PIK3C2A: variants seen among roughly 807,000 people sequenced by gnomAD.
PIK3C2A encodes phosphatidylinositol 4-phosphate 3-kinase C2 domain-containing subunit alpha.
A neutral mutation model predicts 204.5 loss-of-function variants in PIK3C2A; 97 were observed. The ratio of observed to expected loss-of-function variants is 0.47; its 90% confidence interval spans 0.40 to 0.56. The LOEUF (loss-of-function observed/expected upper bound fraction) is 0.56, where lower values mean the gene tolerates loss of function less well. Ranked by LOEUF, PIK3C2A falls within the 20% of genes least tolerant of loss-of-function variation. The probability of loss-of-function intolerance (pLI) is 0.00; values close to 1 mark genes in which losing one functional copy is unlikely to be tolerated. For missense variants in PIK3C2A, 1,735 were observed against 1,969.2 expected (o/e 0.88, Z 2.25); for synonymous variants, 653 against 664.4 (o/e 0.98, Z 0.26).
In PIK3C2A at chr11:17,091,628, G is replaced by T; in HGVS notation, c.4671C>A (p.Gly1557=). ...ADAGSFSPTP[G]QIGGAVKLSI... Reference sequence around the variant, plus strand: ...ATAATTTCACAGCTCCTCCTATTTGGCCTGGAGTAGGACTGAAGGAACCTG... The same window carrying T: ...ATAATTTCACAGCTCCTCCTATTTGTCCTGGAGTAGGACTGAAGGAACCTG... Residue 1557 remains glycine (G), a synonymous_variant, in exon 31 of 33, where the codon GGC becomes GGA. Transcript: ENST00000691414. 6.2e-7 allele frequency: 1 copy of T among 1,610,868 alleles called. No homozygotes were observed. Among genetic ancestry groups the T allele is most frequent in the Non-Finnish European group, 8.5e-7 (1 of 1,177,214 alleles).
chr11:17,105,451 C>T (rs1590910787), intron 22 of PIK3C2A, 146 bp from the exon 23 acceptor site: 2 of 644,096 alleles, frequency 3.1e-6, no homozygotes, highest in Non-Finnish European at 5.2e-6. Context: ...CATAGGTATA[C>T]ATGTGCCATG....
At chr11:17,123,245 G>A (rs1055704045) in intron 13 of PIK3C2A, among the ~76,000 whole-genome samples, 3 of 151,894 alleles carry the variant, frequency 2.0e-5, no homozygotes, top group Non-Finnish European at 4.4e-5. Context: ...AACAAAACAC[G>A]TTTTTTTGTT....
chr11:17,202,224 C>G (rs1453552708), intron 1 of PIK3C2A, among the ~76,000 whole-genome samples: 3 of 150,244 alleles, frequency 2.0e-5, no homozygotes, highest in African/African-American at 7.4e-5. Flanking sequence ...CCATTGTACT[C>G]CAGCCTGGGC....
rs1324635985 is a variant in PIK3C2A at position 17,205,485 on chromosome 11, A to AG, written c.-66+2362_-66+2363insC. Among the ~76,000 whole-genome samples the AG allele has an allele frequency of 6.0e-5, 9 of 151,038 alleles. No homozygotes were observed. The East Asian group carries it at 1.7e-3, about 29-fold the overall frequency. On this transcript the variant is annotated intron_variant, in intron 1 of 32. Coordinates refer to ENST00000691414, the MANE Select transcript of PIK3C2A (RefSeq NM_002645.4). ...TGAGACTCCATCTCAAAAAAAAAAA[A>AG]AAAAAAAAAAAAAAGAATAATTCAT...
intron 1 of PIK3C2A, among the ~76,000 whole-genome samples, chr11:17,173,727 T>C (rs1325597194): frequency 6.6e-6 from 1 of 152,228 alleles, no homozygotes; most frequent in Non-Finnish European, 1.5e-5. Flanking sequence ...TTGTTTATTT[T>C]TGGAGTTCCC....
chr11:17,131,997 C>T lies in PIK3C2A; in HGVS notation c.2150G>A (p.Gly717Glu). 6.4e-7 allele frequency: 1 copy of T among 1,566,502 alleles called. No individual in the cohort carries two copies. The highest frequency in any genetic ancestry group is 8.7e-7 in the Non-Finnish European group (1 of 1,143,302). Residue 717 changes from glycine to glutamate, a missense_variant, in exon 12 of 33, where the codon GGA becomes GAA. By Grantham distance (98) the Gly-to-Glu change is moderately conservative. Transcript: ENST00000691414. ...YYLICSLSHN[G>E]KDLFKPIQSK... Reference sequence around the variant, plus strand: ...TTGAATAGGTTTAAAAAGATCCTTTCCATTGTGAGACAGTGAACATATCAA... The same window carrying T: ...TTGAATAGGTTTAAAAAGATCCTTTTCATTGTGAGACAGTGAACATATCAA...
chr11:17,195,700 G>A (rs1296994300), intron 1 of PIK3C2A, among the ~76,000 whole-genome samples: 1 of 150,400 alleles, frequency 6.6e-6, no homozygotes, highest in Non-Finnish European at 1.5e-5. Flanking sequence ...CCAATATCAT[G>A]CCACTGCACT....
chr11:17,108,151 C>T (rs1848890510), intron 22 of PIK3C2A, among the ~76,000 whole-genome samples: 2 of 152,224 alleles, frequency 1.3e-5, no homozygotes, highest in African/African-American at 2.4e-5. Context: ...GGATTACAGG[C>T]ATGAGCCACT....
intron 1 of PIK3C2A, among the ~76,000 whole-genome samples, chr11:17,189,520 C>T (rs1241593339): frequency 2.7e-5 from 4 of 146,102 alleles, no homozygotes. Context: ...GAGACTGAGG[C>T]TGGAGAATTG....
chr11:17,110,603 A>C, intron 21 of PIK3C2A, 42 bp from the exon 22 acceptor site: 1 of 1,573,814 alleles, frequency 6.4e-7, no homozygotes, highest in Non-Finnish European at 8.6e-7. Flanking sequence ...ACATCTCCAA[A>C]AGACTTAACA....
chr11:17,151,185 A>G (rs1427630766), intron 3 of PIK3C2A, among the ~76,000 whole-genome samples: 1 of 152,198 alleles, frequency 6.6e-6, no homozygotes, highest in African/African-American at 2.4e-5. Flanking sequence ...TCTTCCCTCA[A>G]AGTGATTTCT....
At position 17,150,539 on chromosome 11, in the gene PIK3C2A, T is replaced by G. The variant is rs768409966; in HGVS notation, c.1286A>C (p.Asp429Ala). 6.2e-7 allele frequency: 1 copy of G among 1,609,870 alleles called. No homozygotes were observed. Residue 429 changes from aspartate to alanine, a missense_variant, in exon 4 of 33, where the codon GAC (aspartate) becomes GCC (alanine). This residue lies in a region of PIK3C2A where 536 missense variants were observed against 546.7 expected (regional missense o/e 0.98). Transcript: ENST00000691414. Reference protein sequence around the residue: ...GENASVKVSIDIEGFQLPVTF... With the variant: ...GENASVKVSIAIEGFQLPVTF... Reference sequence around the variant, plus strand: ...AACTGGTAGCTGAAATCCTTCAATGTCAATGGAGACCTTCACACTAGCATT... The same window carrying G: ...AACTGGTAGCTGAAATCCTTCAATGGCAATGGAGACCTTCACACTAGCATT...
chr11:17,170,425 A>C (rs957787658), intron 1 of PIK3C2A, among the ~76,000 whole-genome samples: 3 of 152,330 alleles, frequency 2.0e-5, no homozygotes. Flanking sequence ...GCTTATTAGA[A>C]GTTCTGAGGC....
chr11:17,122,551 C>T, intron 14 of PIK3C2A, 151 bp downstream of exon 14: 1 of 616,830 alleles, frequency 1.6e-6, no homozygotes, highest in East Asian at 2.8e-5. Flanking sequence ...TACTGCTTCT[C>T]AGAAATATTG....
intron 12 of PIK3C2A, among the ~76,000 whole-genome samples, chr11:17,129,773 G>A (rs534759488): frequency 3.3e-5 from 5 of 152,180 alleles, no homozygotes; most frequent in East Asian, 3.9e-4. Context: ...CGTATTTTTA[G>A]TAGAGACGGG....
intron 1 of PIK3C2A, among the ~76,000 whole-genome samples, chr11:17,203,933 G>C (rs1852471128): frequency 1.3e-5 from 2 of 152,180 alleles, no homozygotes; most frequent in African/African-American, 2.4e-5. Context: ...AATTAGCTGG[G>C]CGTGGTGGCG....
intron 8 of PIK3C2A, among the ~76,000 whole-genome samples, chr11:17,138,474 TG>T (rs569547107): frequency 4.7e-4 from 71 of 152,312 alleles, no homozygotes; most frequent in African/African-American, 1.7e-3. Context: ...TGTATTCCTG[TG>T]AGAGCCATAC....
intron 2 of PIK3C2A, among the ~76,000 whole-genome samples, chr11:17,167,128 G>A (rs906377497): frequency 3.3e-5 from 5 of 151,918 alleles, no homozygotes; most frequent in Admixed American, 6.6e-5. Flanking sequence ...ATGCCATCAC[G>A]CCCAGCTAAT....
Position 17,105,643 on chromosome 11 carries a change from G to A in PIK3C2A, c.3545-338C>T, listed in dbSNP as rs151257603. Among the ~76,000 whole-genome samples the A allele has an allele frequency of 2.1e-3, 317 of 152,252 alleles. 1 individual carries two copies. The highest frequency in any genetic ancestry group is 7.4e-3 in the African/African-American group (306 of 41,552). On this transcript the variant is annotated intron_variant, in intron 22 of 32. Transcript: ENST00000691414. ...CTCCCACATATGAGTGGGAACATGA[G>A]ATGTTTGGTTTTCTGTTCCTGTGTT...
Sources: allele counts gnomAD v4.1 joint callset (sites outside exome capture counted in the v4.1 genomes callset), GRCh38; gene constraint gnomAD v4.1.1; regional missense constraint gnomAD v4.1.1; transcripts MANE v1.5; gene names NCBI Gene and HGNC (gene_info 2026-07-23, HGNC 2026-07-21).